The following POLR3C variants were observed in gnomAD, a reference collection of about 807,000 sequenced individuals.
POLR3C encodes the protein RNA polymerase III subunit C, also known as DNA-directed RNA polymerase III subunit RPC3.
In POLR3C, 44 loss-of-function variants were observed where a neutral mutation model predicts 65.9. The observed-to-expected ratio is 0.67, with a 90% CI of 0.52 to 0.86. The LOEUF is 0.86. POLR3C is among the 40% of genes least tolerant of loss of function. POLR3C has a pLI of 0.00. For synonymous variants in POLR3C, 263 were observed against 231.6 expected, an observed-to-expected ratio of 1.14 and a Z score of -1.23; for missense variants, 576 against 653.2, an observed-to-expected ratio of 0.88 and a Z score of 1.29.
At chr1:145,839,643 G>A (rs979229010) in intron 11 of POLR3C, 1 of 399,202 alleles carries the variant, frequency 2.5e-6, no homozygotes, top group African/African-American at 2.0e-5. Flanking sequence ...TGAGGTGGGA[G>A]GATTGCTTGA....
At position 145,828,830 on chromosome 1, in the gene POLR3C, A is replaced by T. The variant is rs782585929; in HGVS notation, c.671A>T (p.Asn224Ile). The change falls in exon 5 of 15, where the codon AAC (asparagine) becomes ATC (isoleucine). Residue 224 changes from asparagine (N) to isoleucine (I), a missense_variant. Physicochemically the swap from Asn to Ile is moderately radical, Grantham distance 149. Coordinates refer to ENST00000334163, the MANE Select transcript of POLR3C (RefSeq NM_006468.8). ...KAKRPKYTTD[N>I]KEPIPDDGIY... ...AAGAGACCAAAATATACTACAGATA[A>T]CAAGGAGGTAATGGGGCTTCTTGAT... 1 of 1,563,598 alleles carries T rather than the reference A, an allele frequency of 6.4e-7. No homozygotes were observed. The highest frequency in any genetic ancestry group is 1.1e-5 in the South Asian group (1 of 90,012).
At chr1:145,833,456 G>A (rs782191322) in intron 6 of POLR3C, 34 bp from the exon 7 acceptor site, 20 of 1,579,684 alleles carry the variant, frequency 1.3e-5, no homozygotes, top group Non-Finnish European at 1.7e-5. Context: ...GGGCAGCACT[G>A]TGATTTCTGA....
intron 5 of POLR3C, among the ~76,000 whole-genome samples, chr1:145,829,556 A>G (rs1375561634): frequency 6.6e-6 from 1 of 152,132 alleles, no homozygotes; most frequent in Non-Finnish European, 1.5e-5. Context: ...CAACACATCC[A>G]CTGATTAGAC....
chr1:145,824,652 G>T, intron 1 of POLR3C: 1 of 574,798 alleles, frequency 1.7e-6, no homozygotes, highest in Non-Finnish European at 2.9e-6. Context: ...TTTGTAATAA[G>T]GAAGTAATCA....
chr1:145,841,003 A>G lies in POLR3C; in HGVS notation c.1455A>G (p.Gln485=). ...QATGAEEAQL[Q]EIEEMITAPE... is the part of the protein sequence containing the mutation. ...CTGGTGCAGAGGAAGCACAGTTACA[A>G]GAAATAGAGGAGATGATCACAGCTC... Residue 485 remains glutamine (Q), a synonymous_variant, in exon 14 of 15, where the codon CAA becomes CAG. Coordinates refer to ENST00000334163, the MANE Select transcript of POLR3C (RefSeq NM_006468.8). The G allele has an allele frequency of 6.2e-7, 1 of 1,613,556 alleles. No homozygotes were observed. Among genetic ancestry groups the G allele is most frequent in the Middle Eastern group, 1.6e-4 (1 of 6,062 alleles).
intron 11 of POLR3C, among the ~76,000 whole-genome samples, chr1:145,838,742 ACCCACCCTG>A (rs1178698268): frequency 1.3e-5 from 2 of 152,034 alleles, no homozygotes; most frequent in Non-Finnish European, 2.9e-5. Context: ...ATCACCCCAA[ACCCACCCTG>A]CCTTTTTTTC....
chr1:145,840,057 C>T (rs1652167411), intron 12 of POLR3C, 59 bp from the exon 13 acceptor site: 7 of 1,508,018 alleles, frequency 4.6e-6, no homozygotes, highest in East Asian at 2.3e-5. Flanking sequence ...GTGCCCACTT[C>T]GCCCTGAGCT....
chr1:145,837,783 C>T (rs187673233), intron 10 of POLR3C, among the ~76,000 whole-genome samples, 187 bp downstream of exon 10: 37 of 152,288 alleles, frequency 2.4e-4, no homozygotes, highest in African/African-American at 7.9e-4. Context: ...TAATTCCTAC[C>T]GATGCAAATT....
chr1:145,840,346 C>T, intron 13 of POLR3C, 181 bp downstream of exon 13: 1 of 565,100 alleles, frequency 1.8e-6, no homozygotes. Context: ...TTGAGACCAA[C>T]CTGGCCAACA....
At position 145,836,586 on chromosome 1, in the gene POLR3C, T is replaced by C. The variant is rs782446698; in HGVS notation, c.957+12T>C. The C allele has an allele frequency of 9.6e-6, 15 of 1,559,914 alleles. No individual in the cohort carries two copies. The Middle Eastern group carries it at 1.2e-3, about 122-fold the overall frequency. On this transcript the variant is annotated intron_variant, in intron 8 of 14. Coordinates refer to ENST00000334163, the MANE Select transcript of POLR3C (RefSeq NM_006468.8). ...TGGCAGATGATCCAGTAAGTCTGTT[T>C]TTGCTTTTTTTCTTTTTTCTTTAGC...
At position 145,843,276 on chromosome 1, in the gene POLR3C, C is replaced by T. The variant is rs138836940; in HGVS notation, c.*856C>T. ...GCACACAGTAAATTAGCGCCTTCCT[C>T]TTCTCCATGGTTCCTTAAAACTGGC... is the stretch of plus-strand genomic sequence containing the variant. On this transcript the variant is annotated 3_prime_UTR_variant, in exon 15 of 15. Transcript: ENST00000334163. Among the ~76,000 whole-genome samples, 1 of 152,304 alleles carries T rather than the reference C, an allele frequency of 6.6e-6. No individual in the cohort carries two copies. The highest frequency in any genetic ancestry group is 1.9e-4 in the East Asian group (1 of 5,190).
At chr1:145,827,756 C>G (rs1248210905) in intron 4 of POLR3C, among the ~76,000 whole-genome samples, 1 of 128,208 alleles carries the variant, frequency 7.8e-6, no homozygotes, top group Non-Finnish European at 1.6e-5. Flanking sequence ...CAGACTCCGT[C>G]TCAAAAAAAA....
intron 1 of POLR3C, among the ~76,000 whole-genome samples, chr1:145,825,440 A>G (rs1553725518): frequency 1.3e-5 from 2 of 152,198 alleles, no homozygotes; most frequent in Non-Finnish European, 2.9e-5. Context: ...ATGAATACGC[A>G]TCGTACTAAA....
Position 145,843,410 on chromosome 1 carries a change from G to T in POLR3C, c.*990G>T, listed in dbSNP as rs1284974314. Among the ~76,000 whole-genome samples, 1 of 152,126 alleles carries T rather than the reference G, an allele frequency of 6.6e-6. No individual in the cohort carries two copies. Among genetic ancestry groups the T allele is most frequent in the South Asian group, 2.1e-4 (1 of 4,828 alleles). On this transcript the variant is annotated 3_prime_UTR_variant, in exon 15 of 15. Coordinates refer to ENST00000334163, the MANE Select transcript of POLR3C (RefSeq NM_006468.8). ...ATATCTTCAGTTTTCTCTCACCAAT[G>T]TGTTTTCTAATTGTTTAAACACTTG...
intron 1 of POLR3C, 23 bp from the exon 2 acceptor site, chr1:145,825,734 C>G: frequency 6.5e-7 from 1 of 1,537,146 alleles, no homozygotes; most frequent in Non-Finnish European, 9.0e-7. Context: ...TTCTATTGTA[C>G]CATTTTGGTG....
chr1:145,833,773 C>G (rs1298764646), intron 7 of POLR3C, among the ~76,000 whole-genome samples, 191 bp downstream of exon 7: 1 of 152,160 alleles, frequency 6.6e-6, no homozygotes, highest in African/African-American at 2.4e-5. Context: ...TTTTAAAAAT[C>G]TACACTATTC....
chr1:145,828,198 C>A (rs781955010), intron 4 of POLR3C, among the ~76,000 whole-genome samples: 1 of 152,176 alleles, frequency 6.6e-6, no homozygotes, highest in Admixed American at 6.5e-5. Context: ...AGGCAGGGGT[C>A]TGATCTCAGA....
chr1:145,835,064 T>C (rs1651687991), intron 7 of POLR3C, among the ~76,000 whole-genome samples: 2 of 148,274 alleles, frequency 1.3e-5, no homozygotes, highest in South Asian at 4.2e-4. Context: ...GAGGATTGCT[T>C]GAGCCCAAGA....
intron 6 of POLR3C, 62 bp from the exon 7 acceptor site, chr1:145,833,428 A>G: frequency 1.3e-6 from 2 of 1,513,230 alleles, no homozygotes; most frequent in East Asian, 2.2e-5. Flanking sequence ...AGATATGGCC[A>G]TTGGCACATA....
Sources: gnomAD v4.1 joint callset for allele counts (sites outside exome capture counted in the v4.1 genomes callset) on GRCh38, gnomAD v4.1.1 for gene constraint, MANE v1.5 for transcripts, NCBI Gene and HGNC (gene_info 2026-07-23, HGNC 2026-07-21) for gene names.